GIT1: variants seen among roughly 807,000 people sequenced by gnomAD.
GIT1 encodes the protein ARF GTPase-activating protein GIT1.
A neutral mutation model predicts 91.7 loss-of-function variants in GIT1; 14 were observed. The ratio of observed to expected loss-of-function variants is 0.15; its 90% CI spans 0.10 to 0.24. The LOEUF (loss-of-function observed/expected upper bound fraction) is 0.24, where lower values mean the gene tolerates loss of function less well. Among genes scored for constraint, GIT1 ranks in the 10% least tolerant of loss-of-function variants. The pLI, the probability that GIT1 is intolerant of heterozygous loss-of-function variation, is 1.00. For synonymous variants in GIT1, 414 were observed against 418.2 expected, an observed-to-expected ratio of 0.99 and a Z score of 0.12; for missense variants, 717 against 1,024.9, an observed-to-expected ratio of 0.70 and a Z score of 4.10.
rs754853321 is a variant in GIT1 at position 29,581,935 on chromosome 17, G to T, written c.615C>A (p.Asp205Glu). 1 of 1,609,852 alleles carries T rather than the reference G, an allele frequency of 6.2e-7. No individual in the cohort carries two copies. Residue 205 changes from aspartate (D) to glutamate (E), a missense_variant, in exon 5 of 20, where the codon GAC becomes GAA. Asp to Glu is a conservative substitution (Grantham distance 45). Transcript: ENST00000225394. This position sits in a 1 kb window ranked among gnomAD's most constrained non-coding sequence, Gnocchi z 4.8. Reference protein sequence around the residue: ...SPDVNGRTPIDYARQAGHHEL... With the variant: ...SPDVNGRTPIEYARQAGHHEL... ...CTTCAGCCGACCCTCACCTGGCATA[G>T]TCAATGGGTGTGCGGCCATTAACAT...
In GIT1 at chr17:29,574,500, A is replaced by G. The variant is rs1241095050; in HGVS notation, c.*202T>C. On this transcript the variant is annotated 3_prime_UTR_variant, in exon 20 of 20. Transcript: ENST00000225394. ...AGGGGAGGTGCATGGAATGTGGGGGACAGAAGCTCCTGCCCCCCCACCTCC... is the reference window on the plus strand; with the variant it reads ...AGGGGAGGTGCATGGAATGTGGGGGGCAGAAGCTCCTGCCCCCCCACCTCC... 1 of 635,666 alleles carries G rather than the reference A, an allele frequency of 1.6e-6. No homozygotes were observed. The highest frequency in any genetic ancestry group is 2.8e-6 in the Non-Finnish European group (1 of 354,858). The allele number at this position is 635,666 out of a possible 1,614,324, so 39.4% of individuals were successfully genotyped here.
Position 29,574,409 on chromosome 17 carries a change from G to A in GIT1, c.*293C>T. On this transcript the variant is annotated 3_prime_UTR_variant, in exon 20 of 20. Transcript: ENST00000225394. ...CCCTTTGCTGAGGGTGCCCTAGAAG[G>A]CGAGGGGCTGGGAGTGATGCCTTGC... The A allele has an allele frequency of 2.3e-6, 1 of 437,000 alleles. No homozygotes were observed. Among genetic ancestry groups the A allele is most frequent in the South Asian group, 2.6e-5 (1 of 38,398 alleles). The allele number at this position is 437,000 out of a possible 1,614,324, so 27.1% of individuals were successfully genotyped here.
At chr17:29,576,474 C>G (rs934188748) in intron 13 of GIT1, 24 bp from the exon 14 acceptor site, 2 of 1,612,982 alleles carry the variant, frequency 1.2e-6, no homozygotes, top group African/African-American at 1.3e-5. Context: ...GTGCTGTCAA[C>G]CCCCTGGAGT....
chr17:29,581,690 C>T lies in GIT1; in HGVS notation c.718+52G>A. 1 of 1,458,148 alleles carries T rather than the reference C, an allele frequency of 6.9e-7. No individual in the cohort carries two copies. The allele number at this position is 1,458,148 out of a possible 1,614,324, so 90.3% of individuals were successfully genotyped here. ...GCCGGGTGCGTCCAGGTCCCACCTG[C>T]CCAGCCCCAGCCAGGCCTGTCACAG... On this transcript the variant is annotated intron_variant, in intron 6 of 19. Coordinates refer to ENST00000225394, the MANE Select transcript of GIT1 (RefSeq NM_014030.4). The surrounding 1 kb of genome is among the most constrained non-coding windows in gnomAD (Gnocchi z 4.8).
At chr17:29,577,376 T>C (rs2033247013) in intron 10 of GIT1, 129 bp from the exon 11 acceptor site, 1 of 761,138 alleles carries the variant, frequency 1.3e-6, no homozygotes. Flanking sequence ...CCAGCCTAGC[T>C]TCACCTGGCT....
intron 7 of GIT1, among the ~76,000 whole-genome samples, chr17:29,580,860 A>G (rs1160932890): frequency 6.6e-6 from 1 of 150,378 alleles, no homozygotes; most frequent in African/African-American, 2.5e-5. Flanking sequence ...GGCTCACCGC[A>G]ACCTCTACCT....
chr17:29,581,383 G>A lies in GIT1; in HGVS notation c.719-3C>T. 1 of 1,611,460 alleles carries A rather than the reference G, an allele frequency of 6.2e-7. No individual in the cohort carries two copies. Among genetic ancestry groups the A allele is most frequent in the Non-Finnish European group, 8.5e-7 (1 of 1,177,944 alleles). ...GATGTAATGCCCATTCTTGTGATCT[G>A]AACAAAAATAAAAATGCCAAGTCAC... On this transcript the variant is annotated splice_region_variant and splice_polypyrimidine_tract_variant and intron_variant, in intron 6 of 19. Coordinates refer to ENST00000225394, the MANE Select transcript of GIT1 (RefSeq NM_014030.4). The surrounding 1 kb of genome is among the most constrained non-coding windows in gnomAD (Gnocchi z 4.8).
At chr17:29,586,016 C>A (rs1438544576) in intron 1 of GIT1, among the ~76,000 whole-genome samples, 1 of 152,160 alleles carries the variant, frequency 6.6e-6, no homozygotes, top group Non-Finnish European at 1.5e-5. Context: ...CACATACAGG[C>A]TAGCCTCAGG....
At position 29,574,059 on chromosome 17, in the gene GIT1, C is replaced by T. The variant is rs563442150; in HGVS notation, c.*643G>A. ...CCGGAACGGCACTGCCGCCCACACA[C>T]TCAACACGCAGGCACGCGGGGGCAC... is the stretch of plus-strand genomic sequence containing the variant. On this transcript the variant is annotated 3_prime_UTR_variant, in exon 20 of 20. Transcript: ENST00000225394. 1 of 152,566 alleles carries T rather than the reference C, an allele frequency of 6.6e-6. No individual in the cohort carries two copies. Among genetic ancestry groups the T allele is most frequent in the South Asian group, 2.1e-4 (1 of 4,834 alleles). 9.5% of individuals were successfully genotyped at this position (152,566 alleles called of 1,614,324 possible).
Position 29,583,616 on chromosome 17 carries a change from T to C in GIT1, c.53A>G (p.Asp18Gly), listed in dbSNP as rs893375990. The C allele has an allele frequency of 6.3e-7, 1 of 1,584,868 alleles. No individual in the cohort carries two copies. The highest frequency in any genetic ancestry group is 2.3e-5 in the East Asian group (1 of 43,588). ...AEVCADCSAP[D>G]PGWASISRGV... is the part of the protein sequence containing the mutation. The stretch of plus-strand genomic sequence containing the variant: ...CCTGCTGATGGATGCCCAGCCAGGG[T>C]CTGCCAGGGTGAGGGCAAGGGTCAG... Residue 18 changes from aspartate to glycine, a missense_variant and splice_region_variant, in exon 2 of 20, where the codon GAC (aspartate) becomes GGC (glycine). This residue lies in a region of GIT1 where 271 missense variants were observed against 451.6 expected (regional missense o/e 0.60). Coordinates refer to ENST00000225394, the MANE Select transcript of GIT1 (RefSeq NM_014030.4).
Position 29,574,664 on chromosome 17 carries a change from G to A in GIT1, c.*38C>T, listed in dbSNP as rs758984589. The stretch of plus-strand genomic sequence containing the variant: ...GAGTGGCCCAGCTCCTATGGCCAGT[G>A]AGGTCCTAGGGTGCAGGTGAGGGTG... On this transcript the variant is annotated 3_prime_UTR_variant, in exon 20 of 20. Coordinates refer to ENST00000225394, the MANE Select transcript of GIT1 (RefSeq NM_014030.4). 6.7e-7 allele frequency: 1 copy of A among 1,488,882 alleles called. No individual in the cohort carries two copies. The highest frequency in any genetic ancestry group is 1.1e-5 in the South Asian group (1 of 88,080). 92.2% of individuals were successfully genotyped at this position (1,488,882 alleles called of 1,614,324 possible). A position where few individuals can be genotyped will look rare whatever the true frequency, so the allele number is the denominator to read the frequency against.
Position 29,574,358 on chromosome 17 carries a change from G to A in GIT1, c.*344C>T. 3.0e-6 allele frequency: 1 copy of A among 329,270 alleles called. No individual in the cohort carries two copies. The highest frequency in any genetic ancestry group is 3.3e-5 in the South Asian group (1 of 30,282). The allele number at this position is 329,270 out of a possible 1,614,324, so 20.4% of individuals were successfully genotyped here. ...GGGTGGGGCGCATGTACGGAGAGCTGCCCCACTTGGAGTGTCCCCACCTGC... is the reference window on the plus strand; with the variant it reads ...GGGTGGGGCGCATGTACGGAGAGCTACCCCACTTGGAGTGTCCCCACCTGC... On this transcript the variant is annotated 3_prime_UTR_variant, in exon 20 of 20. Coordinates refer to ENST00000225394, the MANE Select transcript of GIT1 (RefSeq NM_014030.4).
At chr17:29,583,253 A>G (rs147489094) in intron 2 of GIT1, among the ~76,000 whole-genome samples, 32 of 152,232 alleles carry the variant, frequency 2.1e-4, no homozygotes, top group African/African-American at 7.2e-4. Flanking sequence ...AACTTGCTCA[A>G]TGCTACACGA....
In GIT1 at chr17:29,578,983, C is replaced by T. The variant is rs765110741; in HGVS notation, c.762-204G>A. The T allele has an allele frequency of 8.7e-6, 14 of 1,613,930 alleles. No individual in the cohort carries two copies. The East Asian group carries it at 2.0e-4, about 23-fold the overall frequency. On this transcript the variant is annotated intron_variant, in intron 7 of 19. Coordinates refer to ENST00000225394, the MANE Select transcript of GIT1 (RefSeq NM_014030.4). ...ATACCTCTGAGACATGCACTTTTGC[C>T]GAGATCTAAGTCCAGAGGAAGGCAG...
At chr17:29,578,672 G>A (rs2033297289) in intron 8 of GIT1, 59 bp downstream of exon 8, 4 of 1,411,788 alleles carry the variant, frequency 2.8e-6, no homozygotes, top group Non-Finnish European at 4.0e-6. Flanking sequence ...AAGAGCAGAG[G>A]GTGGGGGATC....
At chr17:29,586,699 C>T (rs557543993) in intron 1 of GIT1, among the ~76,000 whole-genome samples, 42 of 152,320 alleles carry the variant, frequency 2.8e-4, no homozygotes, top group South Asian at 8.3e-4. Context: ...ACTCTCACCC[C>T]CAGGGTTGCC....
chr17:29,588,744 G>A (rs867715297), intron 1 of GIT1, among the ~76,000 whole-genome samples: 1 of 152,168 alleles, frequency 6.6e-6, no homozygotes, highest in African/African-American at 2.4e-5. Context: ...CGCCAGGCCC[G>A]GCAAGGAGCG....
At chr17:29,583,118 G>A in intron 2 of GIT1, 81 bp from the exon 3 acceptor site, 1 of 947,128 alleles carries the variant, frequency 1.1e-6, no homozygotes, top group South Asian at 1.3e-5. Context: ...CGCCTGCTGT[G>A]GCTGGCGTAG....
At position 29,575,175 on chromosome 17, in the gene GIT1, G is replaced by C. The variant is rs1447499301; in HGVS notation, c.2010-33C>G. 2 of 1,571,584 alleles carry C rather than the reference G, an allele frequency of 1.3e-6. No homozygotes were observed. Among genetic ancestry groups the C allele is most frequent in the East Asian group, 2.3e-5 (1 of 44,304 alleles). Reference sequence around the variant, plus strand: ...GAGAAGGGAGGCTATAAAGCAGGGGGCTCTCAAGGGAGGTTCCCAGGGACA... The same window carrying C: ...GAGAAGGGAGGCTATAAAGCAGGGGCCTCTCAAGGGAGGTTCCCAGGGACA... On this transcript the variant is annotated intron_variant, in intron 18 of 19. Transcript: ENST00000225394. This position sits in a 1 kb window ranked among gnomAD's most constrained non-coding sequence, Gnocchi z 5.5.
Sources: gnomAD v4.1 joint callset for allele counts (sites outside exome capture counted in the v4.1 genomes callset) on GRCh38, gnomAD v4.1.1 for gene constraint, gnomAD v4.1.1 regional missense constraint, Gnocchi (gnomAD v3.1) non-coding constraint, MANE v1.5 for transcripts, NCBI Gene and HGNC (gene_info 2026-07-23, HGNC 2026-07-21) for gene names.